Variants in HTR1F observed in about 807,000 individuals in gnomAD.
HTR1F encodes the protein 5-hydroxytryptamine (serotonin) receptor 1F, G protein-coupled.
A neutral mutation model predicts 24.0 loss-of-function variants in HTR1F; 17 were observed. The observed-to-expected ratio is 0.71, with a 90% CI of 0.48 to 1.06. The LOEUF (loss-of-function observed/expected upper bound fraction) is 1.06, where lower values mean the gene tolerates loss of function less well. Ranked by LOEUF, HTR1F falls within the 50% of genes least tolerant of loss-of-function variation. The pLI, the probability that HTR1F is intolerant of heterozygous loss-of-function variation, is 0.00. For synonymous variants in HTR1F, 186 were observed against 156.8 expected (o/e 1.19, Z -1.39); for missense variants, 391 against 427.8 (o/e 0.91, Z 0.76).
At chr3:87,815,086 G>A (rs924744538) in intron 1 of HTR1F, among the ~76,000 whole-genome samples, 1 of 152,076 alleles carries the variant, frequency 6.6e-6, no homozygotes, top group Non-Finnish European at 1.5e-5. Context: ...TGTGGAAAGG[G>A]TATTGAGTGG....
At chr3:87,797,649 G>A (rs538912856) in intron 1 of HTR1F, among the ~76,000 whole-genome samples, 4 of 148,264 alleles carry the variant, frequency 2.7e-5, no homozygotes, top group South Asian at 4.3e-4. Context: ...AAAACTTCAC[G>A]CATGAATCTG....
At chr3:87,848,945 A>G (rs1002491732) in intron 2 of HTR1F, among the ~76,000 whole-genome samples, 18 of 151,572 alleles carry the variant, frequency 1.2e-4, no homozygotes, top group African/African-American at 4.2e-4. Flanking sequence ...CCACTGCTCA[A>G]TGAAATAAAA....
At chr3:87,798,234 G>C (rs554862111) in intron 1 of HTR1F, among the ~76,000 whole-genome samples, 6 of 151,988 alleles carry the variant, frequency 3.9e-5, no homozygotes, top group South Asian at 4.2e-4. Flanking sequence ...GTTCTTCACC[G>C]GGACTTCAGA....
At chr3:87,836,897 T>G (rs1349497116) in intron 2 of HTR1F, among the ~76,000 whole-genome samples, 2 of 151,928 alleles carry the variant, frequency 1.3e-5, no homozygotes, top group Non-Finnish European at 2.9e-5. Flanking sequence ...AAATTAATTA[T>G]AACTTTTATC....
intron 2 of HTR1F, among the ~76,000 whole-genome samples, chr3:87,973,095 C>T (rs752433429): frequency 3.9e-5 from 6 of 152,018 alleles, no homozygotes; most frequent in South Asian, 2.1e-4. Context: ...CGCTTGAACC[C>T]GGGAGGCGGA....
chr3:87,926,732 T>C (rs1319821116), intron 2 of HTR1F, among the ~76,000 whole-genome samples: 1 of 152,138 alleles, frequency 6.6e-6, no homozygotes, highest in Non-Finnish European at 1.5e-5. Flanking sequence ...AGATTTATTG[T>C]CACTATACTC....
At chr3:87,841,118 A>C (rs1345238200) in intron 2 of HTR1F, among the ~76,000 whole-genome samples, 3 of 151,360 alleles carry the variant, frequency 2.0e-5, no homozygotes, top group Non-Finnish European at 3.0e-5. Flanking sequence ...GAGATCATAC[A>C]TATGCTTATT....
At chr3:87,955,951 T>C (rs778085874) in intron 2 of HTR1F, among the ~76,000 whole-genome samples, 1 of 151,448 alleles carries the variant, frequency 6.6e-6, no homozygotes, top group Non-Finnish European at 1.5e-5. Flanking sequence ...TACAAATATT[T>C]TATCATGCAA....
intron 2 of HTR1F, among the ~76,000 whole-genome samples, chr3:87,898,017 G>GATCC (rs1246937550): frequency 2.4e-4 from 37 of 152,248 alleles, no homozygotes; most frequent in African/African-American, 8.9e-4. Context: ...CAGATGAATA[G>GATCC]ATCAAAGGAT....
chr3:87,833,621 C>T (rs993983590), intron 2 of HTR1F, among the ~76,000 whole-genome samples: 1 of 152,048 alleles, frequency 6.6e-6, no homozygotes, highest in Non-Finnish European at 1.5e-5. Context: ...GCTGACTCAG[C>T]CTCCCAAGTA....
chr3:87,865,446 T>A (rs914885196), intron 2 of HTR1F, among the ~76,000 whole-genome samples: 1 of 152,060 alleles, frequency 6.6e-6, no homozygotes, highest in African/African-American at 2.4e-5. Flanking sequence ...CCACCGACAA[T>A]CACCTTATGC....
At chr3:87,892,111 A>ACC (rs1470792279) in intron 2 of HTR1F, among the ~76,000 whole-genome samples, 5 of 152,234 alleles carry the variant, frequency 3.3e-5, no homozygotes, top group Non-Finnish European at 7.3e-5. Flanking sequence ...TTTAGAACCT[A>ACC]TCAATAGCTC....
chr3:87,852,206 T>C (rs987704055), intron 2 of HTR1F, among the ~76,000 whole-genome samples: 5 of 151,748 alleles, frequency 3.3e-5, no homozygotes, highest in Non-Finnish European at 5.9e-5. Flanking sequence ...CAAGTTTTCA[T>C]TGCATTTTAT....
intron 2 of HTR1F, among the ~76,000 whole-genome samples, chr3:87,824,043 C>CA (rs1334293948): frequency 3.0e-5 from 4 of 135,426 alleles, no homozygotes; most frequent in African/African-American, 1.4e-4. Context: ...GAGACTCCGC[C>CA]TAAAAAAAAA....
intron 2 of HTR1F, among the ~76,000 whole-genome samples, chr3:87,967,472 A>C (rs920367004): frequency 2.0e-5 from 3 of 151,392 alleles, no homozygotes; most frequent in Non-Finnish European, 4.4e-5. Context: ...GAATACAGGG[A>C]AAGTGGTACC....
chr3:87,926,363 C>T (rs764743708), intron 2 of HTR1F, among the ~76,000 whole-genome samples: 3 of 152,148 alleles, frequency 2.0e-5, no homozygotes, highest in Non-Finnish European at 4.4e-5. Flanking sequence ...TATTATTTCA[C>T]ACTTGTCAGC....
At chr3:87,943,178 T>A (rs1704612038) in intron 2 of HTR1F, among the ~76,000 whole-genome samples, 1 of 152,180 alleles carries the variant, frequency 6.6e-6, no homozygotes, top group Admixed American at 6.5e-5. Context: ...TGGGGAATCG[T>A]TCTCTTTCTT....
chr3:87,876,096 T>A (rs1433820600), intron 2 of HTR1F, among the ~76,000 whole-genome samples: 2 of 152,136 alleles, frequency 1.3e-5, no homozygotes, highest in South Asian at 4.1e-4. Context: ...AAAAAACACA[T>A]AAAATAACAA....
At chr3:87,849,217 G>T (rs1012266972) in intron 2 of HTR1F, among the ~76,000 whole-genome samples, 2 of 151,812 alleles carry the variant, frequency 1.3e-5, no homozygotes, top group Non-Finnish European at 2.9e-5. Flanking sequence ...ATACTACAAG[G>T]CTACGGTAAC....
Sources: allele counts gnomAD v4.1 joint callset (sites outside exome capture counted in the v4.1 genomes callset), GRCh38; gene constraint gnomAD v4.1.1; transcripts MANE v1.5; gene names NCBI Gene and HGNC (gene_info 2026-07-23, HGNC 2026-07-21).